TDRD5: variants seen among roughly 807,000 people sequenced by gnomAD.
TDRD5 encodes the protein tudor domain containing 5.
A neutral mutation model predicts 120.6 loss-of-function variants in TDRD5; 41 were observed. The ratio of observed to expected loss-of-function variants is 0.34; its 90% CI spans 0.26 to 0.44. TDRD5 has a LOEUF of 0.44. Among genes scored for constraint, TDRD5 ranks in the 20% least tolerant of loss-of-function variants. TDRD5 has a pLI of 1.00. For synonymous variants in TDRD5, 430 were observed against 433.7 expected (o/e 0.99, Z 0.11); for missense variants, 1,006 against 1,221.2 (o/e 0.82, Z 2.63).
Position 179,615,678 on chromosome 1 carries a change from T to C in TDRD5, c.832-2921T>C, listed in dbSNP as rs75221420. Among the ~76,000 whole-genome samples the C allele has an allele frequency of 5.4e-3, 827 of 152,254 alleles. 3 individuals are homozygous for C. Among genetic ancestry groups the C allele is most frequent in the African/African-American group, 0.019 (784 of 41,548 alleles). ...ATTCCACATTATAACTTCTGCCCTC[T>C]ATAATTATAGATATCCCTAACTTTT... On this transcript the variant is annotated intron_variant, in intron 4 of 17. Coordinates refer to ENST00000444136, the MANE Select transcript of TDRD5 (RefSeq NM_001199085.3).
intron 9 of TDRD5, among the ~76,000 whole-genome samples, chr1:179,639,068 T>G (rs1002629149): frequency 1.3e-5 from 2 of 152,208 alleles, no homozygotes; most frequent in Non-Finnish European, 1.5e-5. Context: ...CTTCTAGAGA[T>G]AGATTGAGAA....
chr1:179,650,092 C>T (rs1678625908), intron 11 of TDRD5, among the ~76,000 whole-genome samples: 1 of 152,132 alleles, frequency 6.6e-6, no homozygotes, highest in South Asian at 2.1e-4. Flanking sequence ...TGCACCCTGG[C>T]TTTGATGTCT....
chr1:179,667,376 A>G (rs186992958), intron 16 of TDRD5, among the ~76,000 whole-genome samples: 3 of 152,308 alleles, frequency 2.0e-5, no homozygotes, highest in Admixed American at 6.5e-5. Flanking sequence ...ATGTTTCTGT[A>G]TATTATCTAT....
At position 179,592,625 on chromosome 1, in the gene TDRD5, C is replaced by A. The variant is rs1193648360; in HGVS notation, c.10C>A (p.Gln4Lys). Residue 4 changes from glutamine (Q) to lysine (K), a missense_variant, in exon 2 of 18, where the codon CAA becomes AAA. Gln to Lys is a moderately conservative substitution (Grantham distance 53, BLOSUM62 1). Coordinates refer to ENST00000444136, the MANE Select transcript of TDRD5 (RefSeq NM_001199085.3). MSE[Q>K]ERIQECLRKE... The stretch of plus-strand genomic sequence containing the variant: ...AGTCCTGTAGGGCACAATGTCTGAA[C>A]AAGAGCGTATACAGGAATGTCTGCG... 6.2e-7 allele frequency: 1 copy of A among 1,613,844 alleles called. No homozygotes were observed. The highest frequency in any genetic ancestry group is 8.5e-7 in the Non-Finnish European group (1 of 1,179,984).
intron 11 of TDRD5, among the ~76,000 whole-genome samples, chr1:179,644,986 G>A (rs1678261507): frequency 8.3e-6 from 1 of 120,416 alleles, no homozygotes; most frequent in Admixed American, 8.7e-5. Context: ...TTTTATTATT[G>A]TTCAGTTAAA....
At position 179,662,035 on chromosome 1, in the gene TDRD5, A is replaced by C. The variant is rs1679336369; in HGVS notation, c.2323-69A>C. ...CCTGGAGTCAGGAAAAAACTATAAA[A>C]CCTAAATTTTATGTGCTCATATAGG... On this transcript the variant is annotated intron_variant, in intron 14 of 17. Transcript: ENST00000444136. 4 of 1,393,340 alleles carry C rather than the reference A, an allele frequency of 2.9e-6. No homozygotes were observed. In the South Asian group the frequency reaches 7.7e-5, roughly 27 times the overall value. The allele number at this position is 1,393,340 out of a possible 1,614,324, so 86.3% of individuals were successfully genotyped here. A position where few individuals can be genotyped will look rare whatever the true frequency, so the allele number is the denominator to read the frequency against.
At chr1:179,632,856 T>C (rs1677538504) in intron 7 of TDRD5, among the ~76,000 whole-genome samples, 1 of 152,232 alleles carries the variant, frequency 6.6e-6, no homozygotes, top group Admixed American at 6.5e-5. Flanking sequence ...CCTAGCCTAC[T>C]GAACATCATA....
In TDRD5 at chr1:179,669,203, A is replaced by G. The variant is rs1284780300; in HGVS notation, c.2659A>G (p.Ile887Val). 2 of 1,613,462 alleles carry G rather than the reference A, an allele frequency of 1.2e-6. No homozygotes were observed. Among genetic ancestry groups the G allele is most frequent in the Non-Finnish European group, 1.7e-6 (2 of 1,179,786 alleles). The change falls in exon 17 of 18, where the codon ATA (isoleucine) becomes GTA (valine). Residue 887 changes from isoleucine to valine, a missense_variant. This residue lies in a region of TDRD5 where 403 missense variants were observed against 448.1 expected (regional missense o/e 0.90). Transcript: ENST00000444136. ...TTTTCCCATTCTGCAGCAACTAGAC[A>G]TAAATGGTTCTTCAGATTCTTCCAC... ...GTNRTQKQLDINGSSDSSTLP... is the reference protein window; with the variant it reads ...GTNRTQKQLDVNGSSDSSTLP...
chr1:179,685,051 A>G (rs922486476), intron 17 of TDRD5, among the ~76,000 whole-genome samples: 4 of 152,204 alleles, frequency 2.6e-5, no homozygotes, highest in African/African-American at 9.6e-5. Flanking sequence ...TAGTTTAGTT[A>G]GATCCCATTT....
chr1:179,634,711 C>A, intron 8 of TDRD5, 82 bp downstream of exon 8: 1 of 1,449,446 alleles, frequency 6.9e-7, no homozygotes. Flanking sequence ...AACCAAAATT[C>A]TTTTTAGAAA....
chr1:179,673,709 A>G (rs1016054067), intron 17 of TDRD5, among the ~76,000 whole-genome samples: 4 of 152,136 alleles, frequency 2.6e-5, no homozygotes, highest in Admixed American at 6.5e-5. Context: ...TCAGATATGC[A>G]TCTATCTCAG....
intron 14 of TDRD5, among the ~76,000 whole-genome samples, chr1:179,660,612 C>T (rs1018098777): frequency 7.9e-5 from 12 of 152,010 alleles, no homozygotes; most frequent in African/African-American, 2.9e-4. Context: ...AGTGTCTTAC[C>T]CTACTATTTA....
chr1:179,669,306 A>G lies in TDRD5; in HGVS notation c.2762A>G (p.Asn921Ser), dbSNP rs912445078. The G allele has an allele frequency of 1.2e-6, 2 of 1,614,106 alleles. No homozygotes were observed. Among genetic ancestry groups the G allele is most frequent in the East Asian group, 4.5e-5 (2 of 44,854 alleles). The change falls in exon 17 of 18, where the codon AAC becomes AGC. Residue 921 changes from asparagine to serine, a missense_variant. By Grantham distance (46) the Asn-to-Ser change is conservative. This residue lies in a region of TDRD5 where 403 missense variants were observed against 448.1 expected (regional missense o/e 0.90). Transcript: ENST00000444136. Reference sequence around the variant, plus strand: ...GCAGACGGGAGCCAGTCTGAACCCAACAACAGTCAGACTCAGCCAAAGCAA... The same window carrying G: ...GCAGACGGGAGCCAGTCTGAACCCAGCAACAGTCAGACTCAGCCAAAGCAA... The part of the protein sequence containing the change: ...QSADGSQSEP[N>S]NSQTQPKQIQ...
At position 179,675,270 on chromosome 1, in the gene TDRD5, A is replaced by T. The variant is rs367978608; in HGVS notation, c.2860+5866A>T. ...TCAAAGAATTTTTATTATTATTATT[A>T]TTATTTTTTTTTTTTTTTTTTTTTT... On this transcript the variant is annotated intron_variant, in intron 17 of 17. Coordinates refer to ENST00000444136, the MANE Select transcript of TDRD5 (RefSeq NM_001199085.3). Among the ~76,000 whole-genome samples, 500 of 59,132 alleles carry T rather than the reference A, an allele frequency of 8.5e-3. 7 individuals are homozygous for T. The highest frequency in any genetic ancestry group is 0.01 in the East Asian group (21 of 2,062). 38.8% of individuals were successfully genotyped at this position (59,132 alleles called of 152,430 possible). A position where few individuals can be genotyped will look rare whatever the true frequency, so the allele number is the denominator to read the frequency against.
intron 17 of TDRD5, among the ~76,000 whole-genome samples, chr1:179,671,949 G>GGT (rs111855083): frequency 0.27 from 38,699 of 141,448 alleles, 5,053 homozygotes; most frequent in Admixed American, 0.35. Flanking sequence ...AATATTCCAT[G>GGT]GTGTGTGTGT....
chr1:179,620,903 AC>A (rs1415578128), intron 5 of TDRD5, 131 bp from the exon 6 acceptor site: 20 of 687,732 alleles, frequency 2.9e-5, no homozygotes, highest in East Asian at 6.9e-5. Flanking sequence ...TCAAAAAAAA[AC>A]AATTTAATAT....
intron 6 of TDRD5, among the ~76,000 whole-genome samples, chr1:179,628,025 T>C (rs974886858): frequency 1.3e-5 from 2 of 152,154 alleles, no homozygotes; most frequent in South Asian, 2.1e-4. Context: ...AACCAGATAT[T>C]ACGTGCCCCT....
chr1:179,663,566 T>C, intron 16 of TDRD5, 75 bp downstream of exon 16: 1 of 1,509,416 alleles, frequency 6.6e-7, no homozygotes, highest in Non-Finnish European at 8.8e-7. Flanking sequence ...CAAAATTGTC[T>C]CAATTTACAT....
chr1:179,670,270 A>G (rs955911810), intron 17 of TDRD5, among the ~76,000 whole-genome samples: 4 of 152,006 alleles, frequency 2.6e-5, no homozygotes, highest in Non-Finnish European at 5.9e-5. Context: ...GGAGCCTGTA[A>G]TCCCAGCTAC....
Sources: gnomAD v4.1 joint callset for allele counts (sites outside exome capture counted in the v4.1 genomes callset) on GRCh38, gnomAD v4.1.1 for gene constraint, gnomAD v4.1.1 regional missense constraint, MANE v1.5 for transcripts, NCBI Gene and HGNC (gene_info 2026-07-23, HGNC 2026-07-21) for gene names.